The following ANKLE2 variants were observed in gnomAD, a reference collection of about 807,000 sequenced individuals.
The protein encoded by ANKLE2 is ankyrin repeat and LEM domain containing 2.
ANKLE2 carries 55 observed loss-of-function variants against 84.2 expected under a neutral mutation model. The observed-to-expected ratio is 0.65, with a 90% CI of 0.53 to 0.82. The LOEUF (loss-of-function observed/expected upper bound fraction) is 0.82. ANKLE2 is among the 40% of genes least tolerant of loss of function. ANKLE2 has a pLI of 0.00. For synonymous variants in ANKLE2, 551 were observed against 486.1 expected (o/e 1.13, Z -1.76); for missense variants, 1,238 against 1,201.9 (o/e 1.03, Z -0.44).
intron 1 of ANKLE2, chr12:132,758,195 A>T (rs1261309426): frequency 6.6e-6 from 1 of 152,162 alleles, no homozygotes; most frequent in African/African-American, 2.4e-5. Flanking sequence ...GGATCATTTG[A>T]GGTCAGGTGT....
intron 5 of ANKLE2, among the ~76,000 whole-genome samples, 177 bp downstream of exon 5, chr12:132,747,655 G>A (rs755613701): frequency 2.6e-5 from 4 of 152,240 alleles, no homozygotes; most frequent in African/African-American, 7.2e-5. Context: ...GAACCCCAGC[G>A]CTCGGTGCCC....
chr12:132,729,703 G>A lies in ANKLE2; in HGVS notation c.2459C>T (p.Pro820Leu), dbSNP rs528690169. ...CCCAAAAAGGAAGAGCCGCCTGGCC[G>A]GTTCCCTGGTGACCTCGAGCTGATC... ...HEDQLEVTRE[P>L]ARRLFLFGEE... The change falls in exon 11 of 13, where the codon CCG becomes CTG. Residue 820 changes from proline (P) to leucine (L), a missense_variant. Transcript: ENST00000357997. The A allele has an allele frequency of 1.3e-5, 21 of 1,608,308 alleles. No individual in the cohort carries two copies. Among genetic ancestry groups the A allele is most frequent in the Admixed American group, 6.7e-5 (4 of 59,510 alleles).
At chr12:132,737,125 G>A in intron 7 of ANKLE2, 60 bp from the exon 8 acceptor site, 2 of 1,522,920 alleles carry the variant, frequency 1.3e-6, no homozygotes, top group Non-Finnish European at 1.8e-6. Flanking sequence ...TCAGGCCTGG[G>A]TGAGCAGGAC....
At chr12:132,733,218 G>A (rs566482661) in intron 10 of ANKLE2, among the ~76,000 whole-genome samples, 145 of 136,642 alleles carry the variant, frequency 1.1e-3, no homozygotes, top group African/African-American at 3.9e-3. Context: ...AGCTCTCTGC[G>A]TCCTGGTGTC....
chr12:132,735,606 G>A (rs2136123379), intron 8 of ANKLE2, 94 bp from the exon 9 acceptor site: 6 of 907,978 alleles, frequency 6.6e-6, no homozygotes, highest in Non-Finnish European at 1.0e-5. Flanking sequence ...GTAGCTGCCT[G>A]TCTCCGCACA....
Position 132,748,343 on chromosome 12 carries a change from A to C in ANKLE2, c.848-12T>G. On this transcript the variant is annotated splice_polypyrimidine_tract_variant and intron_variant, in intron 3 of 12. Transcript: ENST00000357997. Reference sequence around the variant, plus strand: ...CAAGCACAAACCATCTGTCAGTAAGAGACAGAATTTAAGAACAATCAGTTT... The same window carrying C: ...CAAGCACAAACCATCTGTCAGTAAGCGACAGAATTTAAGAACAATCAGTTT... 6.2e-7 allele frequency: 1 copy of C among 1,613,644 alleles called. No homozygotes were observed. Among genetic ancestry groups the C allele is most frequent in the African/African-American group, 1.3e-5 (1 of 75,040 alleles).
intron 6 of ANKLE2, among the ~76,000 whole-genome samples, 154 bp downstream of exon 6, chr12:132,743,000 T>A (rs1368381497): frequency 6.6e-6 from 1 of 152,178 alleles, no homozygotes; most frequent in Non-Finnish European, 1.5e-5. Flanking sequence ...AAGTGCATCT[T>A]ACTCAACAGC....
At chr12:132,753,491 C>T (rs755956863) in intron 2 of ANKLE2, among the ~76,000 whole-genome samples, 1 of 152,024 alleles carries the variant, frequency 6.6e-6, no homozygotes, top group African/African-American at 2.4e-5. Flanking sequence ...ATTGGCTGGG[C>T]GTGATGGCTC....
intron 1 of ANKLE2, 190 bp downstream of exon 1, chr12:132,761,428 G>T (rs2044622685): frequency 4.6e-6 from 2 of 438,282 alleles, no homozygotes; most frequent in African/African-American, 2.1e-5. Flanking sequence ...CCCCCGGCCC[G>T]GGAAGCCAAG....
rs1326333690 is a variant in ANKLE2, at chr12:132,736,860, GCAC to G, written c.1593+30_1593+32del. On this transcript the variant is annotated intron_variant, in intron 8 of 12. Transcript: ENST00000357997. ...AGCAGCACAGTATAGGGACAGCCAG[GCAC>G]CACTTCCAGAAGCTTCTACAGCAGC... The G allele has an allele frequency of 1.9e-6, 3 of 1,572,792 alleles. No individual in the cohort carries two copies. In the African/African-American group the frequency reaches 4.1e-5, roughly 21 times the overall value.
At chr12:132,761,468 A>AT in intron 1 of ANKLE2, 150 bp downstream of exon 1, 2 of 651,042 alleles carry the variant, frequency 3.1e-6, no homozygotes, top group Non-Finnish European at 4.3e-6. Context: ...CGCGGCCGGA[A>AT]TGGCCTTTCC....
At chr12:132,742,213 ACACAC>A (rs2044139217) in intron 6 of ANKLE2, 5 of 162,970 alleles carry the variant, frequency 3.1e-5, no homozygotes, top group South Asian at 1.4e-4. Context: ...ACACACACAC[ACACAC>A]ACAAAAAGAA....
chr12:132,733,682 G>A (rs1334427931), intron 10 of ANKLE2, among the ~76,000 whole-genome samples: 2 of 151,924 alleles, frequency 1.3e-5, no homozygotes, highest in East Asian at 1.9e-4. Context: ...GCGTCCTGGT[G>A]TCTGATATGC....
rs2044168808 is a variant in ANKLE2, at chr12:132,743,319, T to C, written c.1231-43A>G. The C allele has an allele frequency of 6.5e-7, 1 of 1,549,052 alleles. No individual in the cohort carries two copies. Among genetic ancestry groups the C allele is most frequent in the African/African-American group, 1.4e-5 (1 of 72,634 alleles). ...GGAAGTACAATTATTCACACTTGTC[T>C]CATGAGGTTGCTCTAAGGTGAAAAT... On this transcript the variant is annotated intron_variant, in intron 5 of 12. Transcript: ENST00000357997. The surrounding 1 kb of genome is among the most constrained non-coding windows in gnomAD (Gnocchi z 4.1).
rs200992817 is a variant in ANKLE2, at chr12:132,729,825, G to A, written c.2337C>T (p.Pro779=). 4.1e-5 allele frequency: 66 copies of A among 1,613,324 alleles called. No homozygotes were observed. Among genetic ancestry groups the A allele is most frequent in the African/African-American group, 1.5e-4 (11 of 74,856 alleles). The change falls in exon 11 of 13, where the codon CCC becomes CCT. Residue 779 remains proline, a synonymous_variant. Transcript: ENST00000357997. The part of the protein sequence containing the change: ...AVERDLLEPS[P]ADQLGNGHRR... ...TGTGGCCATTCCCGAGTTGGTCTGC[G>A]GGAGAAGGCTCTAACAAGTCTCTTT...
chr12:132,727,935 G>T, intron 12 of ANKLE2, 97 bp downstream of exon 12: 1 of 1,492,480 alleles, frequency 6.7e-7, no homozygotes, highest in Non-Finnish European at 8.9e-7. Context: ...CCAGCGTTGG[G>T]AAAAGCCACT....
chr12:132,729,200 A>T (rs1381903902), intron 11 of ANKLE2, among the ~76,000 whole-genome samples: 1 of 148,566 alleles, frequency 6.7e-6, no homozygotes, highest in Non-Finnish European at 1.5e-5. Context: ...AAAATACAAA[A>T]ATCAGCTAGA....
chr12:132,734,823 C>A (rs552458529), intron 9 of ANKLE2: 1 of 482,976 alleles, frequency 2.1e-6, no homozygotes, highest in East Asian at 4.0e-5. Context: ...AGGAAGGAGG[C>A]CTCAGCCCGA....
chr12:132,752,831 TTTC>T (rs2044385870), intron 2 of ANKLE2, among the ~76,000 whole-genome samples: 1 of 152,150 alleles, frequency 6.6e-6, no homozygotes, highest in African/African-American at 2.4e-5. Context: ...TGAGTTCTCA[TTTC>T]TTTTTTCCAA....
Sources: gnomAD v4.1 joint callset for allele counts (sites outside exome capture counted in the v4.1 genomes callset) on GRCh38, gnomAD v4.1.1 for gene constraint, Gnocchi (gnomAD v3.1) non-coding constraint, MANE v1.5 for transcripts, NCBI Gene and HGNC (gene_info 2026-07-23, HGNC 2026-07-21) for gene names.